Variants in PCDH15 observed in about 807,000 individuals in gnomAD.
PCDH15 encodes the protein protocadherin-15.
PCDH15 carries 129 observed loss-of-function variants against 178.5 expected under a neutral mutation model. That is an observed-to-expected ratio of 0.72 (90% CI 0.63 to 0.84). The LOEUF (loss-of-function observed/expected upper bound fraction) is 0.84. Ranked by LOEUF, PCDH15 falls within the 40% of genes least tolerant of loss-of-function variation. The probability of loss-of-function intolerance (pLI) is 0.00; values close to 1 mark genes in which losing one functional copy is unlikely to be tolerated. For synonymous variants in PCDH15, 800 were observed against 732.0 expected (o/e 1.09, Z -1.50); for missense variants, 2,230 against 2,099.9 (o/e 1.06, Z -1.21).
intron 15 of PCDH15, among the ~76,000 whole-genome samples, chr10:54,099,974 G>C (rs1442239058): frequency 6.6e-6 from 1 of 152,068 alleles, no homozygotes; most frequent in African/African-American, 2.4e-5. Flanking sequence ...ATCATAAAAT[G>C]AAATAAAAAA....
intron 3 of PCDH15, among the ~76,000 whole-genome samples, chr10:54,380,735 T>C (rs1453918901): frequency 9.6e-6 from 1 of 104,386 alleles, no homozygotes; most frequent in Non-Finnish European, 2.1e-5. Flanking sequence ...TATATATATA[T>C]ATATATATAT....
rs781125903 is a variant in PCDH15, at chr10:53,840,428, C to T, written c.3875G>A (p.Arg1292His). ...TAGGGAAAAGGCATCTCCATGCCGG[C>T]GAGCTCCAATGGACTCCACTACGAC... ...AKVVVESIGARRHGDAFSLED... is the reference protein window; with the variant it reads ...AKVVVESIGAHRHGDAFSLED... Residue 1292 changes from arginine (R) to histidine (H), a missense_variant, in exon 29 of 38, where the codon CGC becomes CAC. Arg to His is a conservative substitution (Grantham distance 29, BLOSUM62 0). Transcript: ENST00000644397. 26 of 1,613,980 alleles carry T rather than the reference C, an allele frequency of 1.6e-5. No individual in the cohort carries two copies. Among genetic ancestry groups the T allele is most frequent in the Non-Finnish European group, 2.0e-5 (24 of 1,179,892 alleles).
chr10:55,568,451 T>G (rs539637791), intron 2 of PCDH15, among the ~76,000 whole-genome samples: 3 of 152,092 alleles, frequency 2.0e-5, no homozygotes, highest in African/African-American at 7.2e-5. Flanking sequence ...TTCTGGAGAT[T>G]GACAATAATG....
Position 54,463,136 on chromosome 10 carries a change from A to G in PCDH15, c.157+64676T>C, listed in dbSNP as rs188981415. 2.6e-3 allele frequency among the ~76,000 whole-genome samples: 396 copies of G among 152,254 alleles called. 1 individual carries two copies. Among genetic ancestry groups the G allele is most frequent in the African/African-American group, 9.1e-3 (379 of 41,550 alleles). On this transcript the variant is annotated intron_variant, in intron 3 of 37. Transcript: ENST00000644397. ...CTGTTCAGTCATTAGAGAAGCATAT[A>G]TAAAACATATTCCAAAAATCTAATA...
At chr10:54,719,944 G>A (rs1941304223) in intron 1 of PCDH15, among the ~76,000 whole-genome samples, 1 of 151,974 alleles carries the variant, frequency 6.6e-6, no homozygotes, top group Non-Finnish European at 1.5e-5. Context: ...TATTTGGGTT[G>A]GTTCCATGTC....
intron 1 of PCDH15, among the ~76,000 whole-genome samples, chr10:55,276,332 A>G (rs567095693): frequency 6.6e-6 from 1 of 151,290 alleles, no homozygotes; most frequent in Non-Finnish European, 1.5e-5. Context: ...TAAATATAAT[A>G]TTTACTGATA....
intron 3 of PCDH15, among the ~76,000 whole-genome samples, chr10:54,409,805 G>T (rs1953217246): frequency 6.6e-6 from 1 of 152,052 alleles, no homozygotes; most frequent in South Asian, 2.1e-4. Context: ...TGTTGAGACT[G>T]GTGGCTTTAG....
chr10:54,690,009 G>A (rs2095088264), intron 1 of PCDH15, among the ~76,000 whole-genome samples: 1 of 152,156 alleles, frequency 6.6e-6, no homozygotes, highest in African/African-American at 2.4e-5. Context: ...AAAAAATACA[G>A]CATGATCAAG....
chr10:55,400,578 C>T lies in PCDH15; in HGVS notation c.-156+227047G>A, dbSNP rs978695244. ...CTCCAGAAACAATATTCTCCGTGCT[C>T]CCATGGTTATTCCTGAACAAGTGCA... On this transcript the variant is annotated intron_variant, in intron 2 of 5. Coordinates refer to the PCDH15 transcript ENST00000613346. Among the ~76,000 whole-genome samples, 6 of 152,050 alleles carry T rather than the reference C, an allele frequency of 3.9e-5. No homozygotes were observed. The East Asian group carries it at 1.2e-3, about 29-fold the overall frequency.
chr10:55,222,301 T>A (rs1476562927), intron 1 of PCDH15, among the ~76,000 whole-genome samples: 1 of 152,090 alleles, frequency 6.6e-6, no homozygotes, highest in African/African-American at 2.4e-5. Flanking sequence ...ATAGTCATAT[T>A]CTGTAACTTG....
chr10:54,086,196 A>G (rs748842183), intron 16 of PCDH15, among the ~76,000 whole-genome samples: 11 of 152,120 alleles, frequency 7.2e-5, no homozygotes, highest in African/African-American at 9.7e-5. Context: ...ACTTCCACTC[A>G]TGGCCAAAGG....
intron 14 of PCDH15, among the ~76,000 whole-genome samples, chr10:54,138,817 T>G (rs1358619152): frequency 1.3e-5 from 2 of 152,226 alleles, no homozygotes; most frequent in East Asian, 3.9e-4. Flanking sequence ...TATTGCTATA[T>G]CATGGCTATA....
At chr10:55,127,772 T>A (rs1000448323) in intron 2 of PCDH15, among the ~76,000 whole-genome samples, 2 of 152,186 alleles carry the variant, frequency 1.3e-5, no homozygotes, top group African/African-American at 4.8e-5. Flanking sequence ...TTTCTTGCAA[T>A]CATTTACGTA....
intron 15 of PCDH15, among the ~76,000 whole-genome samples, chr10:54,092,522 C>T (rs7893476): frequency 0.77 from 117,133 of 152,040 alleles, 46,056 homozygotes; most frequent in African/African-American, 0.9. Context: ...ATAAATTAGC[C>T]AGGGTAAAAT....
At chr10:55,221,341 T>C (rs1214918244) in intron 1 of PCDH15, among the ~76,000 whole-genome samples, 1 of 152,076 alleles carries the variant, frequency 6.6e-6, no homozygotes, top group Non-Finnish European at 1.5e-5. Context: ...ATATAAATGT[T>C]TATTAAAAAT....
At chr10:55,063,769 C>A (rs1841498236) in intron 2 of PCDH15, among the ~76,000 whole-genome samples, 1 of 152,118 alleles carries the variant, frequency 6.6e-6, no homozygotes, top group African/African-American at 2.4e-5. Context: ...CCCCATAAAG[C>A]TGTCCAAATT....
At chr10:54,373,519 G>T (rs1947988802) in intron 4 of PCDH15, among the ~76,000 whole-genome samples, 1 of 151,846 alleles carries the variant, frequency 6.6e-6, no homozygotes, top group African/African-American at 2.4e-5. Context: ...TACCTAAAAA[G>T]AAAATATCAA....
rs1841057669 is a variant in PCDH15, at chr10:53,804,912, G to A, written c.*1667C>T. 1 of 151,692 alleles carries A rather than the reference G, an allele frequency of 6.6e-6. No individual in the cohort carries two copies. Among genetic ancestry groups the A allele is most frequent in the Non-Finnish European group, 1.5e-5 (1 of 67,902 alleles). 9.4% of individuals were successfully genotyped at this position (151,692 alleles called of 1,614,324 possible). On this transcript the variant is annotated 3_prime_UTR_variant, in exon 38 of 38. Transcript: ENST00000644397. ...ATTCTACGTTTCTAATCTAGCTAAT[G>A]CCACTAGGTTTTTTTTTGTTTGTTT... is the stretch of plus-strand genomic sequence containing the variant.
At chr10:55,388,648 T>C (rs140889974) in intron 2 of PCDH15, among the ~76,000 whole-genome samples, 1 of 152,098 alleles carries the variant, frequency 6.6e-6, no homozygotes, top group Non-Finnish European at 1.5e-5. Context: ...TGATTAATAT[T>C]AATGAGGAAC....
Sources: allele counts gnomAD v4.1 joint callset (sites outside exome capture counted in the v4.1 genomes callset), GRCh38; gene constraint gnomAD v4.1.1; transcripts MANE v1.5; gene names NCBI Gene and HGNC (gene_info 2026-07-23, HGNC 2026-07-21).